The following GRIK1 variants were observed in gnomAD, a reference collection of about 807,000 sequenced individuals.
The protein encoded by GRIK1 is glutamate receptor ionotropic, kainate 1.
In GRIK1, 69 loss-of-function variants were observed where a neutral mutation model predicts 105.7. The observed-to-expected ratio is 0.65, with a 90% CI of 0.54 to 0.80. GRIK1 has a LOEUF of 0.80. GRIK1 is among the 30% of genes least tolerant of loss of function. GRIK1 has a pLI of 0.00. For synonymous variants in GRIK1, 438 were observed against 431.3 expected (o/e 1.02, Z -0.19); for missense variants, 1,109 against 1,167.3 (o/e 0.95, Z 0.73).
At chr21:29,647,396 G>A (rs2062641897) in intron 6 of GRIK1, among the ~76,000 whole-genome samples, 1 of 152,158 alleles carries the variant, frequency 6.6e-6, no homozygotes, top group Non-Finnish European at 1.5e-5. Context: ...TTTGCTTTCT[G>A]TACTGAATCC....
rs1337733330 is a variant in GRIK1 at position 29,705,764 on chromosome 21, T to C, written c.119-11701A>G. ...CTGTATGTCTATGAAAAACAGCATC[T>C]TTTAATCAATCGTATCTCACAGATA... On this transcript the variant is annotated intron_variant, in intron 1 of 17. Coordinates refer to ENST00000327783, the MANE Select transcript of GRIK1 (RefSeq NM_001330994.2). 2.0e-5 allele frequency among the ~76,000 whole-genome samples: 3 copies of C among 152,342 alleles called. No individual in the cohort carries two copies. The East Asian group carries it at 5.8e-4, about 29-fold the overall frequency.
Position 29,801,779 on chromosome 21 carries a change from A to G in GRIK1, c.119-107716T>C, listed in dbSNP as rs79123323. Among the ~76,000 whole-genome samples the G allele has an allele frequency of 7.9e-5, 12 of 152,338 alleles. No individual in the cohort carries two copies. In the East Asian group the frequency reaches 2.3e-3, roughly 29 times the overall value. ...GTTAAAGAAATACTGTTCTTCTACA[A>G]TTATAGCCCAGTGATAATTATAACC... On this transcript the variant is annotated intron_variant, in intron 1 of 17. Transcript: ENST00000327783.
chr21:29,711,998 G>A (rs1314513458), intron 1 of GRIK1, among the ~76,000 whole-genome samples: 3 of 151,236 alleles, frequency 2.0e-5, no homozygotes, highest in African/African-American at 7.3e-5. Flanking sequence ...CAAGATTTGG[G>A]TGTATTTTCT....
chr21:29,771,098 A>G (rs1280386199), intron 1 of GRIK1, among the ~76,000 whole-genome samples: 1 of 152,258 alleles, frequency 6.6e-6, no homozygotes, highest in Non-Finnish European at 1.5e-5. Flanking sequence ...CAAAATATGC[A>G]TACAATCATG....
intron 1 of GRIK1, among the ~76,000 whole-genome samples, chr21:29,798,393 G>A (rs557922727): frequency 6.6e-6 from 1 of 152,188 alleles, no homozygotes; most frequent in Non-Finnish European, 1.5e-5. Context: ...TTTAATGTAA[G>A]TAGTGCTAAG....
intron 1 of GRIK1, among the ~76,000 whole-genome samples, chr21:29,751,999 C>T (rs1001854270): frequency 6.6e-6 from 1 of 152,180 alleles, no homozygotes; most frequent in Non-Finnish European, 1.5e-5. Flanking sequence ...TATGTTGTCT[C>T]AGTATAGAAA....
chr21:29,595,685 A>G (rs555055979), intron 9 of GRIK1, among the ~76,000 whole-genome samples: 19 of 151,992 alleles, frequency 1.3e-4, no homozygotes, highest in Admixed American at 7.9e-4. Context: ...CAGTCCATAG[A>G]TTTTTTTTAC....
chr21:29,717,701 A>T (rs1247339791), intron 1 of GRIK1, among the ~76,000 whole-genome samples: 1 of 152,214 alleles, frequency 6.6e-6, no homozygotes, highest in African/African-American at 2.4e-5. Flanking sequence ...GTTGGAAGGG[A>T]CTTGCCTTGT....
intron 1 of GRIK1, among the ~76,000 whole-genome samples, chr21:29,766,129 A>G (rs141163522): frequency 0.038 from 5,825 of 152,180 alleles, 162 homozygotes; most frequent in East Asian, 0.066. Flanking sequence ...GATTACAGGC[A>G]TGAGCCACCG....
chr21:29,915,009 T>C (rs1196944949), intron 1 of GRIK1, among the ~76,000 whole-genome samples: 2 of 152,082 alleles, frequency 1.3e-5, no homozygotes, highest in Non-Finnish European at 2.9e-5. Context: ...GGATGAAATA[T>C]GTTTTTTACA....
chr21:29,803,850 A>G (rs1402800252), intron 1 of GRIK1, among the ~76,000 whole-genome samples: 2 of 152,154 alleles, frequency 1.3e-5, no homozygotes, highest in African/African-American at 4.8e-5. Flanking sequence ...AAGTCTGTAC[A>G]CATGATCGAG....
At position 29,827,719 on chromosome 21, in the gene GRIK1, G is replaced by A. The variant is rs534125755; in HGVS notation, c.118+111664C>T. ...GGTAGAAAGGGGGAATGAAAGAAAG[G>A]GAAATAACCCTGATTCCGTTACCCA... On this transcript the variant is annotated intron_variant, in intron 1 of 17. Coordinates refer to ENST00000327783, the MANE Select transcript of GRIK1 (RefSeq NM_001330994.2). Among the ~76,000 whole-genome samples, 5 of 152,052 alleles carry A rather than the reference G, an allele frequency of 3.3e-5. No individual in the cohort carries two copies. The South Asian group carries it at 1.0e-3, about 32-fold the overall frequency.
chr21:29,702,036 T>C (rs1266208080), intron 1 of GRIK1, among the ~76,000 whole-genome samples: 3 of 152,120 alleles, frequency 2.0e-5, no homozygotes, highest in Non-Finnish European at 4.4e-5. Context: ...AGCAAACTGA[T>C]GCAGGAACAG....
At chr21:29,842,300 T>C (rs2068005087) in intron 1 of GRIK1, among the ~76,000 whole-genome samples, 1 of 152,150 alleles carries the variant, frequency 6.6e-6, no homozygotes, top group Non-Finnish European at 1.5e-5. Flanking sequence ...CATAGTGATT[T>C]GCAACTATAC....
At chr21:29,639,420 C>T (rs1330902104) in intron 7 of GRIK1, among the ~76,000 whole-genome samples, 2 of 152,148 alleles carry the variant, frequency 1.3e-5, no homozygotes, top group Non-Finnish European at 2.9e-5. Flanking sequence ...AGTCAGGGTC[C>T]TGCAGATAGG....
In GRIK1 at chr21:29,576,947, C is replaced by T. The variant is rs763484369; in HGVS notation, c.2130+17G>A. 1 of 1,401,200 alleles carries T rather than the reference C, an allele frequency of 7.1e-7. No homozygotes were observed. The highest frequency in any genetic ancestry group is 1.0e-6 in the Non-Finnish European group (1 of 989,956). The allele number at this position is 1,401,200 out of a possible 1,614,324, so 86.8% of individuals were successfully genotyped here. On this transcript the variant is annotated intron_variant, in intron 14 of 17. Transcript: ENST00000327783. ...AAGTATCAGATAATCACTGAGAACA[C>T]TTTGTCAGCTTCTTACCTTGAAGAA...
At chr21:29,780,889 G>A (rs1225338940) in intron 1 of GRIK1, among the ~76,000 whole-genome samples, 1 of 152,176 alleles carries the variant, frequency 6.6e-6, no homozygotes, top group Non-Finnish European at 1.5e-5. Context: ...AGACATGTCA[G>A]GAGAGCAAGA....
At chr21:29,626,294 A>C (rs1317474722) in intron 7 of GRIK1, among the ~76,000 whole-genome samples, 1 of 152,074 alleles carries the variant, frequency 6.6e-6, no homozygotes, top group East Asian at 1.9e-4. Flanking sequence ...TAACAGCAGT[A>C]ATCCATTCAT....
At chr21:29,654,166 T>A (rs2062799061) in intron 5 of GRIK1, among the ~76,000 whole-genome samples, 1 of 152,022 alleles carries the variant, frequency 6.6e-6, no homozygotes, top group South Asian at 2.1e-4. Flanking sequence ...TGTCACTGAT[T>A]TCTGAAATTG....
Sources: allele counts gnomAD v4.1 joint callset (sites outside exome capture counted in the v4.1 genomes callset), GRCh38; gene constraint gnomAD v4.1.1; transcripts MANE v1.5; gene names NCBI Gene and HGNC (gene_info 2026-07-23, HGNC 2026-07-21).